MDN1: variants seen among roughly 807,000 people sequenced by gnomAD.
MDN1 encodes the protein midasin.
In MDN1, 266 loss-of-function variants were observed where a neutral mutation model predicts 669.2. The ratio of observed to expected loss-of-function variants is 0.40; its 90% CI spans 0.36 to 0.44. MDN1 has a LOEUF of 0.44. Ranked by LOEUF, MDN1 falls within the 20% of genes least tolerant of loss-of-function variation. MDN1 has a pLI of 1.00. For synonymous variants in MDN1, 2,385 were observed against 2,457.1 expected (o/e 0.97, Z 0.87); for missense variants, 5,940 against 6,754.0 (o/e 0.88, Z 4.22).
intron 22 of MDN1, 89 bp from the exon 23 acceptor site, chr6:89,751,671 C>T: frequency 1.4e-6 from 2 of 1,387,258 alleles, no homozygotes; most frequent in South Asian, 1.4e-5. Flanking sequence ...ACTTGTTGAA[C>T]AAGCTGTCTT....
At chr6:89,696,909 TG>T (rs1442599970) in intron 59 of MDN1, among the ~76,000 whole-genome samples, 1 of 152,108 alleles carries the variant, frequency 6.6e-6, no homozygotes, top group Non-Finnish European at 1.5e-5. Flanking sequence ...GAGAGACAGA[TG>T]TAAGAGCCAG....
intron 20 of MDN1, among the ~76,000 whole-genome samples, chr6:89,755,957 GAC>G (rs1343006128): frequency 6.6e-6 from 1 of 152,102 alleles, no homozygotes; most frequent in Non-Finnish European, 1.5e-5. Context: ...CCTTCTTCAA[GAC>G]AGATTCAAAA....
chr6:89,718,870 G>C lies in MDN1; in HGVS notation c.6218C>G (p.Thr2073Ser). ...ILVGPASVGK[T>S]SLVQLLAHLT... ...GTGTGCCAGAAGCTGGACCAGGCTG[G>C]TCTTGCCCACAGAGGCTGGCCCGAC... Residue 2073 changes from threonine (T) to serine (S), a missense_variant, in exon 42 of 102, where the codon ACC (threonine) becomes AGC (serine). Transcript: ENST00000369393. The C allele has an allele frequency of 6.2e-7, 1 of 1,614,146 alleles. No individual in the cohort carries two copies. The highest frequency in any genetic ancestry group is 1.1e-5 in the South Asian group (1 of 91,080).
chr6:89,796,324 C>CAAAAAAAAAAAAAAACAAAAA (rs1819593546), intron 2 of MDN1, among the ~76,000 whole-genome samples: 1 of 45,392 alleles, frequency 2.2e-5, no homozygotes, highest in Non-Finnish European at 3.5e-5. Flanking sequence ...AACTCTGTCT[C>CAAAAAAAAAAAAAAACAAAAA]AAAAAAAAAA....
At chr6:89,763,349 A>AAAAAAAAAAAC (rs1562193868) in intron 15 of MDN1, among the ~76,000 whole-genome samples, 1 of 139,296 alleles carries the variant, frequency 7.2e-6, no homozygotes, top group Non-Finnish European at 1.6e-5. Flanking sequence ...AAAAAAAAAA[A>AAAAAAAAAAAC]AAAAAAAATC....
Position 89,772,615 on chromosome 6 carries a change from T to C in MDN1, c.2041A>G (p.Thr681Ala). The part of the protein sequence containing the change: ...EPVLLVGETG[T>A]GKTSTIQYLA... ...TATTGGATGGTAGAGGTTTTGCCAG[T>C]CCCGGTCTCTCCCACCAGCAACACA... Residue 681 changes from threonine to alanine, a missense_variant, in exon 14 of 102, where the codon ACT (threonine) becomes GCT (alanine). By Grantham distance (58) the Thr-to-Ala change is moderately conservative. This residue lies in a region of MDN1 where 1,203 missense variants were observed against 1,268.9 expected (regional missense o/e 0.95). Transcript: ENST00000369393. The C allele has an allele frequency of 6.2e-7, 1 of 1,614,154 alleles. No individual in the cohort carries two copies. Among genetic ancestry groups the C allele is most frequent in the Non-Finnish European group, 8.5e-7 (1 of 1,180,012 alleles).
chr6:89,765,642 T>C (rs370064402), intron 15 of MDN1, among the ~76,000 whole-genome samples: 8 of 152,300 alleles, frequency 5.3e-5, no homozygotes, highest in Admixed American at 3.3e-4. Context: ...AATAACAGTA[T>C]AAATGGGATC....
intron 84 of MDN1, among the ~76,000 whole-genome samples, chr6:89,666,466 T>C (rs1810242165): frequency 2.0e-5 from 3 of 152,052 alleles, no homozygotes; most frequent in African/African-American, 7.2e-5. Context: ...AGTTTTACCA[T>C]GTTGGCCAGG....
chr6:89,770,109 A>G (rs113393190), intron 15 of MDN1, among the ~76,000 whole-genome samples: 96 of 152,112 alleles, frequency 6.3e-4, no homozygotes, highest in African/African-American at 2.0e-3. Flanking sequence ...CAAAAAAACA[A>G]AAAAAGAATT....
intron 72 of MDN1, 114 bp from the exon 73 acceptor site, chr6:89,683,444 T>C: frequency 1.3e-6 from 1 of 783,178 alleles, no homozygotes; most frequent in South Asian, 1.8e-5. Flanking sequence ...GTACCTTTTA[T>C]ATACAATGCT....
intron 79 of MDN1, 142 bp downstream of exon 79, chr6:89,673,962 C>CA: frequency 5.6e-6 from 5 of 889,806 alleles, no homozygotes; most frequent in South Asian, 2.0e-5. Flanking sequence ...CCCCATCCCC[C>CA]AAACCGACGA....
At chr6:89,655,994 G>C (rs1809258501) in intron 91 of MDN1, 26 bp from the exon 92 acceptor site, 1 of 1,600,696 alleles carries the variant, frequency 6.2e-7, no homozygotes, top group Admixed American at 1.7e-5. Context: ...AAATTCATCA[G>C]AGCCTTGCCT....
chr6:89,677,451 A>T, intron 76 of MDN1, 119 bp downstream of exon 76: 1 of 1,292,472 alleles, frequency 7.7e-7, no homozygotes, highest in Non-Finnish European at 1.1e-6. Flanking sequence ...CACTTTTGTA[A>T]GTGGTAGCCA....
intron 1 of MDN1, among the ~76,000 whole-genome samples, chr6:89,819,224 G>C (rs934840517): frequency 1.3e-5 from 2 of 152,160 alleles, no homozygotes; most frequent in Non-Finnish European, 2.9e-5. Context: ...CTTTGGGAAG[G>C]CCACCTCTGC....
rs1432336202 is a variant in MDN1, at chr6:89,707,409, T to G, written c.7966A>C (p.Lys2656Gln). 1.2e-6 allele frequency: 2 copies of G among 1,614,070 alleles called. No homozygotes were observed. The highest frequency in any genetic ancestry group is 1.7e-6 in the Non-Finnish European group (2 of 1,179,924). ...CTCAAAACACTCTCTCTTAGCTTTT[T>G]GCTACCAACAGAAACCAAATTTGCT... ...TEANLVSVGS[K>Q]KLRESVLRMS... is the part of the protein sequence containing the mutation. The change falls in exon 52 of 102, where the codon AAA becomes CAA. Residue 2656 changes from lysine to glutamine, a missense_variant. By Grantham distance (53) the Lys-to-Gln change is moderately conservative. Around this residue, in one of 5 missense-constraint regions of MDN1, gnomAD observed 2,292 missense variants for 2,638.3 expected, o/e 0.87. Coordinates refer to ENST00000369393, the MANE Select transcript of MDN1 (RefSeq NM_014611.3).
chr6:89,813,629 G>A (rs1267740005), intron 1 of MDN1, among the ~76,000 whole-genome samples: 3 of 151,956 alleles, frequency 2.0e-5, no homozygotes, highest in South Asian at 2.1e-4. Flanking sequence ...TACTCAGAAG[G>A]ATGAGGTGGG....
chr6:89,667,935 AC>A (rs1184967620), intron 84 of MDN1, 78 bp downstream of exon 84: 3 of 1,557,102 alleles, frequency 1.9e-6, no homozygotes, highest in Non-Finnish European at 2.6e-6. Context: ...CCTAGTAAAA[AC>A]CATTTTTATG....
In MDN1 at chr6:89,677,640, G is replaced by A; in HGVS notation, c.12469C>T (p.Leu4157Phe). Residue 4157 changes from leucine (L) to phenylalanine (F), a missense_variant, in exon 76 of 102, where the codon CTT becomes TTT. Physicochemically the swap from Leu to Phe is conservative, Grantham distance 22. Transcript: ENST00000369393. ...TGGAGATCTAATGGGTGAAGATGAA[G>A]CATCTCTTGAGGGTTTTTTGAACGG... ...WARSKNPQEM[L>F]HLHPLDLQSA... 2.5e-6 allele frequency: 4 copies of A among 1,614,184 alleles called. No homozygotes were observed. Among genetic ancestry groups the A allele is most frequent in the Non-Finnish European group, 3.4e-6 (4 of 1,180,042 alleles).
At chr6:89,748,122 C>G (rs1050985293) in intron 26 of MDN1, among the ~76,000 whole-genome samples, 1 of 151,848 alleles carries the variant, frequency 6.6e-6, no homozygotes, top group Admixed American at 6.6e-5. Flanking sequence ...GTCAGGAGAT[C>G]GAGACCATCC....
Sources: gnomAD v4.1 joint callset for allele counts (sites outside exome capture counted in the v4.1 genomes callset) on GRCh38, gnomAD v4.1.1 for gene constraint, gnomAD v4.1.1 regional missense constraint, MANE v1.5 for transcripts, NCBI Gene and HGNC (gene_info 2026-07-23, HGNC 2026-07-21) for gene names.